PRDM5: variants seen among roughly 807,000 people sequenced by gnomAD.
PRDM5 encodes the protein PR/SET domain 5, also known as PR domain zinc finger protein 5.
PRDM5 carries 56 observed loss-of-function variants against 81.2 expected under a neutral mutation model. The observed-to-expected ratio is 0.69, with a 90% CI of 0.56 to 0.86. PRDM5 has a LOEUF of 0.86. PRDM5 is among the 40% of genes least tolerant of loss of function. The probability of loss-of-function intolerance (pLI) is 0.00; values close to 1 mark genes in which losing one functional copy is unlikely to be tolerated. For synonymous variants in PRDM5, 267 were observed against 256.4 expected (o/e 1.04, Z -0.39); for missense variants, 697 against 770.1 (o/e 0.91, Z 1.12).
chr4:120,828,680 T>G (rs1756336826), intron 3 of PRDM5, among the ~76,000 whole-genome samples: 1 of 152,100 alleles, frequency 6.6e-6, no homozygotes. Flanking sequence ...TCTTTTTTGG[T>G]CAAGCACTGG....
chr4:120,841,482 GT>G (rs971069214), intron 3 of PRDM5, among the ~76,000 whole-genome samples: 1 of 152,156 alleles, frequency 6.6e-6, no homozygotes, highest in Non-Finnish European at 1.5e-5. Context: ...ACTGTTTTGT[GT>G]TGTATCCATT....
chr4:120,765,329 G>A (rs1432776186), intron 13 of PRDM5, among the ~76,000 whole-genome samples: 2 of 152,148 alleles, frequency 1.3e-5, no homozygotes. Flanking sequence ...AAAGCTGGTT[G>A]GAACTGTAGG....
At chr4:120,840,267 T>A (rs1292670520) in intron 3 of PRDM5, among the ~76,000 whole-genome samples, 2 of 152,180 alleles carry the variant, frequency 1.3e-5, no homozygotes, top group Non-Finnish European at 2.9e-5. Flanking sequence ...GCTCTCCCCA[T>A]TGGCCCTGTG....
chr4:120,686,547 T>G (rs1240385677), intron 1 of PRDM5, among the ~76,000 whole-genome samples: 1 of 152,098 alleles, frequency 6.6e-6, no homozygotes, highest in Non-Finnish European at 1.5e-5. Flanking sequence ...CTCAGACATT[T>G]GTGCATTTGC....
intron 12 of PRDM5, among the ~76,000 whole-genome samples, 163 bp from the exon 13 acceptor site, chr4:120,777,444 A>G (rs1271134123): frequency 6.6e-6 from 1 of 152,154 alleles, no homozygotes; most frequent in Non-Finnish European, 1.5e-5. Flanking sequence ...GGATATTCCC[A>G]CTGGCTCAAA....
intron 14 of PRDM5, among the ~76,000 whole-genome samples, chr4:120,737,083 G>A (rs1338484189): frequency 1.3e-5 from 2 of 152,092 alleles, no homozygotes; most frequent in East Asian, 3.9e-4. Context: ...CTGCCCACCT[G>A]AGCTTCATCT....
At chr4:120,815,378 G>A (rs1381215833) in intron 7 of PRDM5, among the ~76,000 whole-genome samples, 1 of 152,204 alleles carries the variant, frequency 6.6e-6, no homozygotes, top group African/African-American at 2.4e-5. Flanking sequence ...AGGGCACCAA[G>A]CTGGAGGTGC....
At chr4:120,745,251 T>C (rs1163132838) in intron 14 of PRDM5, among the ~76,000 whole-genome samples, 22 of 127,874 alleles carry the variant, frequency 1.7e-4, no homozygotes, top group African/African-American at 6.9e-4. Flanking sequence ...CTAAAAACTC[T>C]CAATAAATTA....
At chr4:120,712,382 T>C (rs987668926) in intron 14 of PRDM5, among the ~76,000 whole-genome samples, 24 of 152,186 alleles carry the variant, frequency 1.6e-4, no homozygotes, top group African/African-American at 5.6e-4. Context: ...TCAAAAAATC[T>C]ATAACTTTTT....
At position 120,840,724 on chromosome 4, in the gene PRDM5, A is replaced by G. The variant is rs151152192; in HGVS notation, c.300+12694T>C. Among the ~76,000 whole-genome samples the G allele has an allele frequency of 3.0e-4, 45 of 152,230 alleles. 1 individual carries two copies. In the East Asian group the frequency reaches 8.7e-3, roughly 29 times the overall value. ...ATCACAGGTCACGACTCTGCCCACGATAGGCCTGACAGGCGACCCAGCCCG... is the reference window on the plus strand; with the variant it reads ...ATCACAGGTCACGACTCTGCCCACGGTAGGCCTGACAGGCGACCCAGCCCG... On this transcript the variant is annotated intron_variant, in intron 3 of 15. Coordinates refer to ENST00000264808, the MANE Select transcript of PRDM5 (RefSeq NM_018699.4).
chr4:120,824,243 A>C (rs1274710842), intron 3 of PRDM5, among the ~76,000 whole-genome samples: 2 of 152,206 alleles, frequency 1.3e-5, no homozygotes, highest in African/African-American at 2.4e-5. Context: ...CTGTTAGCCT[A>C]GCAATAACCT....
At chr4:120,918,290 G>C (rs1724455200) in intron 1 of PRDM5, among the ~76,000 whole-genome samples, 2 of 152,138 alleles carry the variant, frequency 1.3e-5, no homozygotes, top group Non-Finnish European at 2.9e-5. Context: ...TATACGGCAG[G>C]CTTCATGATT....
chr4:120,863,189 TATACAC>T (rs1362148141), intron 2 of PRDM5, among the ~76,000 whole-genome samples: 2 of 37,362 alleles, frequency 5.4e-5, no homozygotes, highest in East Asian at 5.1e-4. Context: ...TATATATATA[TATACAC>T]ACACACACAC....
At chr4:120,734,266 A>AT (rs755448300) in intron 14 of PRDM5, among the ~76,000 whole-genome samples, 20 of 150,844 alleles carry the variant, frequency 1.3e-4, no homozygotes, top group Non-Finnish European at 2.7e-4. Context: ...TTTTTTTTTT[A>AT]GCAACTGAGA....
At chr4:120,863,585 T>C (rs1220350943) in intron 2 of PRDM5, among the ~76,000 whole-genome samples, 3 of 151,920 alleles carry the variant, frequency 2.0e-5, no homozygotes, top group Admixed American at 1.3e-4. Context: ...AATTAAACCA[T>C]ACCAATTCAA....
chr4:120,873,772 T>C (rs1034990332), intron 2 of PRDM5, among the ~76,000 whole-genome samples: 2 of 152,228 alleles, frequency 1.3e-5, no homozygotes, highest in Admixed American at 6.5e-5. Flanking sequence ...GGGGCTTCAT[T>C]TGCCTTTATT....
At chr4:120,831,058 G>A (rs1578907688) in intron 3 of PRDM5, among the ~76,000 whole-genome samples, 1 of 152,068 alleles carries the variant, frequency 6.6e-6, no homozygotes, top group East Asian at 1.9e-4. Context: ...TTGGGAAGCA[G>A]TGGCTTTTGA....
At chr4:120,704,830 A>G (rs1735882126) in intron 15 of PRDM5, among the ~76,000 whole-genome samples, 1 of 152,190 alleles carries the variant, frequency 6.6e-6, no homozygotes, top group African/African-American at 2.4e-5. Context: ...GGGGAATGAT[A>G]TGACAGGGAG....
chr4:120,793,942 T>TA (rs150096829), intron 10 of PRDM5, among the ~76,000 whole-genome samples: 30,240 of 151,830 alleles, frequency 0.2, 3,637 homozygotes, highest in Non-Finnish European at 0.28. Context: ...CTTCAATAAA[T>TA]AAAAAAATAA....
Sources: gnomAD v4.1 joint callset for allele counts (sites outside exome capture counted in the v4.1 genomes callset) on GRCh38, gnomAD v4.1.1 for gene constraint, MANE v1.5 for transcripts, NCBI Gene and HGNC (gene_info 2026-07-23, HGNC 2026-07-21) for gene names.